Variants in TRABD2B observed in about 807,000 individuals in gnomAD.
The protein encoded by TRABD2B is TraB domain containing 2B.
TRABD2B carries 14 observed loss-of-function variants against 40.1 expected under a neutral mutation model. That is an observed-to-expected ratio of 0.35 (90% CI 0.23 to 0.55). The LOEUF (loss-of-function observed/expected upper bound fraction) is 0.55, where lower values mean the gene tolerates loss of function less well. Ranked by LOEUF, TRABD2B falls within the 20% of genes least tolerant of loss-of-function variation. TRABD2B has a pLI of 0.90. For synonymous variants in TRABD2B, 263 were observed against 277.0 expected, an observed-to-expected ratio of 0.95 and a Z score of 0.50; for missense variants, 541 against 648.6, an observed-to-expected ratio of 0.83 and a Z score of 1.80.
intron 2 of TRABD2B, among the ~76,000 whole-genome samples, chr1:47,986,341 T>G (rs2148451346): frequency 6.6e-6 from 1 of 152,294 alleles, no homozygotes; most frequent in East Asian, 1.9e-4. Context: ...TAGTCCCTTT[T>G]TAGCATCCAG....
At chr1:47,990,947 G>C (rs1177401105) in intron 2 of TRABD2B, among the ~76,000 whole-genome samples, 1 of 150,138 alleles carries the variant, frequency 6.7e-6, no homozygotes, top group African/African-American at 2.5e-5. Flanking sequence ...TCAGAGACCT[G>C]CCTCACCACC....
intron 4 of TRABD2B, among the ~76,000 whole-genome samples, chr1:47,785,519 T>C (rs886879253): frequency 3.3e-5 from 5 of 152,228 alleles, no homozygotes; most frequent in Non-Finnish European, 5.9e-5. Context: ...AGCTCTGCCA[T>C]GAACAGCGCA....
intron 2 of TRABD2B, among the ~76,000 whole-genome samples, chr1:47,936,319 G>A (rs1645105959): frequency 6.6e-6 from 1 of 152,210 alleles, no homozygotes; most frequent in Non-Finnish European, 1.5e-5. Flanking sequence ...CTACATTAGG[G>A]CAGATGGAAA....
At chr1:47,922,344 G>A (rs1001696654) in intron 2 of TRABD2B, among the ~76,000 whole-genome samples, 26 of 152,338 alleles carry the variant, frequency 1.7e-4, no homozygotes, top group African/African-American at 6.0e-4. Context: ...ACCAGGGTCA[G>A]GGCCTGGTCA....
chr1:47,768,718 T>C (rs1326033141), intron 6 of TRABD2B, among the ~76,000 whole-genome samples: 1 of 152,238 alleles, frequency 6.6e-6, no homozygotes, highest in African/African-American at 2.4e-5. Context: ...ACACAAGAAG[T>C]GCTAGAAGAG....
chr1:47,990,771 T>A (rs113419725), intron 2 of TRABD2B, among the ~76,000 whole-genome samples: 12,110 of 36,240 alleles, frequency 0.33, 1,813 homozygotes, highest in African/African-American at 0.38. Context: ...AACGTTGGTT[T>A]TATATATATA....
chr1:47,980,431 C>T (rs147708558), intron 2 of TRABD2B, among the ~76,000 whole-genome samples: 1 of 152,316 alleles, frequency 6.6e-6, no homozygotes, highest in East Asian at 1.9e-4. Context: ...CCATAGGACC[C>T]TCCAGATCAC....
At chr1:47,957,901 T>A (rs1356469936) in intron 2 of TRABD2B, among the ~76,000 whole-genome samples, 1 of 152,068 alleles carries the variant, frequency 6.6e-6, no homozygotes, top group Admixed American at 6.6e-5. Flanking sequence ...CCAAGACACA[T>A]AATTGTCAAA....
chr1:47,928,993 C>A (rs1214141941), intron 2 of TRABD2B, among the ~76,000 whole-genome samples: 2 of 152,226 alleles, frequency 1.3e-5, no homozygotes, highest in Non-Finnish European at 2.9e-5. Context: ...CTAGATTAGA[C>A]AATTTGCAGG....
chr1:47,777,984 G>A (rs929020500), intron 5 of TRABD2B, among the ~76,000 whole-genome samples: 6 of 152,210 alleles, frequency 3.9e-5, no homozygotes, highest in African/African-American at 1.4e-4. Flanking sequence ...AAAGTTAGGG[G>A]TGAGGGGCAT....
At chr1:47,878,820 G>A (rs1223187783) in intron 2 of TRABD2B, among the ~76,000 whole-genome samples, 1 of 152,196 alleles carries the variant, frequency 6.6e-6, no homozygotes, top group African/African-American at 2.4e-5. Context: ...TTATGGGCCA[G>A]GCACAATGGC....
intron 2 of TRABD2B, among the ~76,000 whole-genome samples, chr1:47,869,801 G>C (rs1644115515): frequency 6.6e-6 from 1 of 152,188 alleles, no homozygotes; most frequent in Non-Finnish European, 1.5e-5. Context: ...CATGCGGTTT[G>C]GGAAATCAAG....
At chr1:47,770,341 C>T (rs548569796) in intron 6 of TRABD2B, among the ~76,000 whole-genome samples, 1 of 152,158 alleles carries the variant, frequency 6.6e-6, no homozygotes, top group African/African-American at 2.4e-5. Flanking sequence ...GGTTTGCCTG[C>T]GGCTCTGGGT....
chr1:47,979,833 G>C (rs1163952496), intron 2 of TRABD2B, among the ~76,000 whole-genome samples: 1 of 152,132 alleles, frequency 6.6e-6, no homozygotes, highest in Non-Finnish European at 1.5e-5. Context: ...TCACCACCTT[G>C]TTTCTAAAGG....
At chr1:47,883,221 C>T (rs977422503) in intron 2 of TRABD2B, among the ~76,000 whole-genome samples, 5 of 152,168 alleles carry the variant, frequency 3.3e-5, no homozygotes, top group Admixed American at 1.3e-4. Context: ...CAAGGCCACA[C>T]CTGGGTTAAG....
chr1:47,915,277 C>T (rs1028201194), intron 2 of TRABD2B, among the ~76,000 whole-genome samples: 2 of 152,156 alleles, frequency 1.3e-5, no homozygotes, highest in Admixed American at 1.3e-4. Context: ...AGCATTGCCT[C>T]GGTAGGCAAC....
At chr1:47,817,211 C>A (rs1645045687) in intron 2 of TRABD2B, among the ~76,000 whole-genome samples, 1 of 152,014 alleles carries the variant, frequency 6.6e-6, no homozygotes, top group Admixed American at 6.5e-5. Context: ...TCCATCCCCC[C>A]CAACACCCCT....
chr1:47,884,672 G>A (rs1353011307), intron 2 of TRABD2B, among the ~76,000 whole-genome samples: 1 of 152,102 alleles, frequency 6.6e-6, no homozygotes, highest in Non-Finnish European at 1.5e-5. Context: ...GGAGTGCAGT[G>A]TTGCGATCTC....
chr1:47,885,020 C>A (rs533738735), intron 2 of TRABD2B, among the ~76,000 whole-genome samples: 11 of 152,264 alleles, frequency 7.2e-5, no homozygotes, highest in African/African-American at 2.6e-4. Flanking sequence ...CTTCCCCTGC[C>A]ACCCAGCTGC....
Sources: allele counts gnomAD v4.1 joint callset (sites outside exome capture counted in the v4.1 genomes callset), GRCh38; gene constraint gnomAD v4.1.1; transcripts MANE v1.5; gene names NCBI Gene and HGNC (gene_info 2026-07-23, HGNC 2026-07-21).